Variants in NDUFAF2 observed in about 807,000 individuals in gnomAD.
The protein encoded by NDUFAF2 is NADH:ubiquinone oxidoreductase complex assembly factor 2.
A neutral mutation model predicts 22.8 loss-of-function variants in NDUFAF2; 13 were observed. The observed-to-expected ratio is 0.57, with a 90% CI of 0.37 to 0.91. The LOEUF (loss-of-function observed/expected upper bound fraction) is 0.91. NDUFAF2 is among the 40% of genes least tolerant of loss of function. The probability of loss-of-function intolerance (pLI) is 0.01; values close to 1 mark genes in which losing one functional copy is unlikely to be tolerated. For missense variants in NDUFAF2, 162 were observed against 195.2 expected, an observed-to-expected ratio of 0.83 and a Z score of 1.01; for synonymous variants, 53 against 64.2, an observed-to-expected ratio of 0.83 and a Z score of 0.84.
chr5:61,085,411 T>C (rs894844162), intron 2 of NDUFAF2, among the ~76,000 whole-genome samples: 2 of 152,046 alleles, frequency 1.3e-5, no homozygotes, highest in Non-Finnish European at 2.9e-5. Context: ...TAAAGGGCAT[T>C]AAGGGGGGAA....
At chr5:61,135,783 TG>T (rs1391000332) in intron 3 of NDUFAF2, among the ~76,000 whole-genome samples, 4 of 152,018 alleles carry the variant, frequency 2.6e-5, no homozygotes, top group African/African-American at 9.7e-5. Context: ...CAGAATCACG[TG>T]GGCAAGGCTA....
chr5:61,140,634 A>T (rs1296291418), intron 3 of NDUFAF2, among the ~76,000 whole-genome samples: 1 of 152,202 alleles, frequency 6.6e-6, no homozygotes, highest in East Asian at 1.9e-4. Flanking sequence ...AGCATCCTGC[A>T]TTTTATCTGG....
intron 1 of NDUFAF2, among the ~76,000 whole-genome samples, chr5:61,012,550 G>C (rs1751455220): frequency 6.6e-6 from 1 of 151,546 alleles, no homozygotes; most frequent in Non-Finnish European, 1.5e-5. Flanking sequence ...TTTTTAATTA[G>C]TGTACAATTA....
chr5:60,998,057 C>A lies in NDUFAF2; in HGVS notation c.127+52675C>A, dbSNP rs202243482. Among the ~76,000 whole-genome samples the A allele has an allele frequency of 7.2e-5, 11 of 152,258 alleles. No individual in the cohort carries two copies. In the East Asian group the frequency reaches 1.7e-3, roughly 24 times the overall value. ...ACTCTAGAATTCTCAAACTATAAAT[C>A]TGGGTCAGGTTTGTAGCCAGCAAAA... On this transcript the variant is annotated intron_variant, in intron 1 of 3. Transcript: ENST00000296597.
At chr5:61,069,905 A>C (rs1752274640) in intron 1 of NDUFAF2, among the ~76,000 whole-genome samples, 1 of 151,990 alleles carries the variant, frequency 6.6e-6, no homozygotes, top group Non-Finnish European at 1.5e-5. Context: ...TCTTTTTTTA[A>C]AGTTTGGAAA....
intron 1 of NDUFAF2, among the ~76,000 whole-genome samples, chr5:60,951,182 AC>A (rs1238459469): frequency 6.6e-6 from 1 of 152,032 alleles, no homozygotes; most frequent in Non-Finnish European, 1.5e-5. Context: ...GGTGCCCACC[AC>A]CATGCCCAGC....
chr5:61,148,435 CTCTACCCATT>C (rs1371904207), intron 3 of NDUFAF2, among the ~76,000 whole-genome samples: 1 of 152,224 alleles, frequency 6.6e-6, no homozygotes, highest in Non-Finnish European at 1.5e-5. Flanking sequence ...TTACTAACAT[CTCTACCCATT>C]TCAGAGAGAG....
intron 1 of NDUFAF2, among the ~76,000 whole-genome samples, chr5:60,964,596 G>A (rs926293516): frequency 3.3e-5 from 5 of 151,894 alleles, no homozygotes; most frequent in South Asian, 2.1e-4. Flanking sequence ...GATTGCAGGC[G>A]TGCACCACCA....
In NDUFAF2 at chr5:60,969,712, G is replaced by A. The variant is rs144010929; in HGVS notation, c.127+24330G>A. On this transcript the variant is annotated intron_variant, in intron 1 of 3. Transcript: ENST00000296597. ...TGTTGATTGTTTTCTTTGCTGTGGA[G>A]AAGCTTTTTAACTTAATGTGATCCC... is the stretch of plus-strand genomic sequence containing the variant. Among the ~76,000 whole-genome samples the A allele has an allele frequency of 4.9e-3, 752 of 152,190 alleles. 7 individuals are homozygous for A. The highest frequency in any genetic ancestry group is 7.9e-3 in the South Asian group (38 of 4,828).
intron 1 of NDUFAF2, among the ~76,000 whole-genome samples, chr5:60,961,011 G>A (rs1750676494): frequency 6.6e-6 from 1 of 152,138 alleles, no homozygotes; most frequent in South Asian, 2.1e-4. Flanking sequence ...ACCTGTTCAA[G>A]GATGAAGTCT....
intron 2 of NDUFAF2, among the ~76,000 whole-genome samples, chr5:61,074,656 A>G (rs1295477804): frequency 6.6e-6 from 1 of 152,132 alleles, no homozygotes; most frequent in African/African-American, 2.4e-5. Context: ...GCTACTCGGG[A>G]GGCTGAGGCA....
chr5:61,110,527 A>G (rs1752827057), intron 3 of NDUFAF2, among the ~76,000 whole-genome samples: 1 of 151,664 alleles, frequency 6.6e-6, no homozygotes, highest in Non-Finnish European at 1.5e-5. Flanking sequence ...CAGGTTTTGG[A>G]TTTCTTTATG....
At chr5:60,963,145 A>G (rs1203058070) in intron 1 of NDUFAF2, among the ~76,000 whole-genome samples, 1 of 152,048 alleles carries the variant, frequency 6.6e-6, no homozygotes, top group African/African-American at 2.4e-5. Context: ...TGGCCTCCCA[A>G]AGTGCTGAGA....
intron 1 of NDUFAF2, among the ~76,000 whole-genome samples, chr5:61,031,261 T>C (rs1350285891): frequency 6.6e-6 from 1 of 152,050 alleles, no homozygotes; most frequent in South Asian, 2.1e-4. Flanking sequence ...GGTTTGCAAC[T>C]CATCATCTAC....
intron 1 of NDUFAF2, among the ~76,000 whole-genome samples, chr5:61,032,337 T>C (rs1384780232): frequency 6.6e-6 from 1 of 152,250 alleles, no homozygotes; most frequent in Non-Finnish European, 1.5e-5. Context: ...CTAGGTTTTC[T>C]TCTAGGGTTT....
At chr5:60,951,506 C>T (rs1453025832) in intron 1 of NDUFAF2, among the ~76,000 whole-genome samples, 2 of 152,134 alleles carry the variant, frequency 1.3e-5, no homozygotes, top group African/African-American at 4.8e-5. Flanking sequence ...ACTCATTTGG[C>T]ATTGATTGAT....
chr5:60,953,772 TTAATG>T (rs1376409300), intron 1 of NDUFAF2, among the ~76,000 whole-genome samples: 2 of 152,196 alleles, frequency 1.3e-5, no homozygotes, highest in Non-Finnish European at 2.9e-5. Context: ...GTAAATGTTT[TTAATG>T]TAACCTAATG....
At position 60,950,915 on chromosome 5, in the gene NDUFAF2, T is replaced by C. The variant is rs141159855; in HGVS notation, c.127+5533T>C. Among the ~76,000 whole-genome samples the C allele has an allele frequency of 2.3e-3, 347 of 152,286 alleles. 1 individual carries two copies. The highest frequency in any genetic ancestry group is 7.9e-3 in the African/African-American group (328 of 41,554). On this transcript the variant is annotated intron_variant, in intron 1 of 3. Coordinates refer to ENST00000296597, the MANE Select transcript of NDUFAF2 (RefSeq NM_174889.5). Reference sequence around the variant, plus strand: ...CTGTAGTTTTGCCTTTTCCAGAATGTCATGTAGTTGCTGTCATATAGTATG... The same window carrying C: ...CTGTAGTTTTGCCTTTTCCAGAATGCCATGTAGTTGCTGTCATATAGTATG...
At chr5:60,950,381 C>T (rs1159094986) in intron 1 of NDUFAF2, among the ~76,000 whole-genome samples, 4 of 151,762 alleles carry the variant, frequency 2.6e-5, no homozygotes, top group South Asian at 2.1e-4. Context: ...AGATGGGGTT[C>T]GCCATGTTGG....
Sources: allele counts gnomAD v4.1 joint callset (sites outside exome capture counted in the v4.1 genomes callset), GRCh38; gene constraint gnomAD v4.1.1; transcripts MANE v1.5; gene names NCBI Gene and HGNC (gene_info 2026-07-23, HGNC 2026-07-21).